M6PR: variants seen among roughly 807,000 people sequenced by gnomAD.
The protein encoded by M6PR is mannose-6-phosphate receptor, cation dependent, also known as cation-dependent mannose-6-phosphate receptor.
In M6PR, 19 loss-of-function variants were observed where a neutral mutation model predicts 33.1. The observed-to-expected ratio is 0.57, with a 90% CI of 0.40 to 0.84. M6PR has a LOEUF of 0.84. Ranked by LOEUF, M6PR falls within the 40% of genes least tolerant of loss-of-function variation. M6PR has a pLI of 0.00. For synonymous variants in M6PR, 111 were observed against 123.4 expected (o/e 0.90, Z 0.67); for missense variants, 295 against 336.0 (o/e 0.88, Z 0.95).
Position 8,941,571 on chromosome 12 carries a change from T to C in M6PR, c.*247A>G, listed in dbSNP as rs1946008547. 1 of 393,266 alleles carries C rather than the reference T, an allele frequency of 2.5e-6. No individual in the cohort carries two copies. Among genetic ancestry groups the C allele is most frequent in the Non-Finnish European group, 4.5e-6 (1 of 220,484 alleles). 24.4% of individuals were successfully genotyped at this position (393,266 alleles called of 1,614,324 possible). On this transcript the variant is annotated 3_prime_UTR_variant, in exon 7 of 7. Transcript: ENST00000000412. Reference sequence around the variant, plus strand: ...GATGTCAAGAGACAATGCAAAAGCCTCTGTTTTCACAGGCCCTATTATATT... The same window carrying C: ...GATGTCAAGAGACAATGCAAAAGCCCCTGTTTTCACAGGCCCTATTATATT...
intron 1 of M6PR, 77 bp from the exon 2 acceptor site, chr12:8,946,482 T>C (rs182788760): frequency 1.1e-4 from 121 of 1,116,086 alleles, no homozygotes; most frequent in Admixed American, 2.5e-4. Context: ...TATGAATGTG[T>C]AATAAATCGA....
Position 8,942,556 on chromosome 12 carries a change from A to G in M6PR, c.585-14T>C. On this transcript the variant is annotated splice_polypyrimidine_tract_variant and intron_variant, in intron 5 of 6. Coordinates refer to ENST00000000412, the MANE Select transcript of M6PR (RefSeq NM_002355.4). ...AGTGATGCAAACCTGTAGAGAGAGA[A>G]AGACATCTATACTTAAGAACTGGGA... The G allele has an allele frequency of 2.5e-6, 4 of 1,613,736 alleles. No individual in the cohort carries two copies. The highest frequency in any genetic ancestry group is 2.2e-5 in the East Asian group (1 of 44,878).
rs754782643 is a variant in M6PR, at chr12:8,941,964, A to G, written c.712-24T>C. 3.7e-6 allele frequency: 6 copies of G among 1,613,530 alleles called. No individual in the cohort carries two copies. In the East Asian group the frequency reaches 6.7e-5, roughly 18 times the overall value. ...TCCTGTAGGGGGAAAAAAAAGAAGG[A>G]AATAATTCGCAGCATCTAACTTTAG... On this transcript the variant is annotated intron_variant, in intron 6 of 6. Transcript: ENST00000000412.
At chr12:8,945,111 T>C (rs762116489) in intron 3 of M6PR, 24 of 233,266 alleles carry the variant, frequency 1.0e-4, no homozygotes, top group African/African-American at 4.4e-4. Context: ...TGAGCCGAGA[T>C]TGTGCCACTG....
Position 8,945,270 on chromosome 12 carries a change from A to G in M6PR, c.343+148T>C. The G allele has an allele frequency of 4.1e-6, 3 of 731,176 alleles. No individual in the cohort carries two copies. The South Asian group carries it at 5.3e-5, about 13-fold the overall frequency. The allele number at this position is 731,176 out of a possible 1,614,324, so 45.3% of individuals were successfully genotyped here. The stretch of plus-strand genomic sequence containing the variant: ...TTACAGAGGAGCTGTGGAATTAGGC[A>G]TCCTGTGGTATATTACAGTCTCAGG... On this transcript the variant is annotated intron_variant, in intron 3 of 6. Transcript: ENST00000000412.
chr12:8,943,436 G>A lies in M6PR; in HGVS notation c.553C>T (p.His185Tyr). ...AGTAAGATGGAACCCACACTGAGGT[G>A]GGAGATCTCTGGTGAACAGGCCAGG... ...SSLACSPEIS[H>Y]LSVGSILLVT... Residue 185 changes from histidine (H) to tyrosine (Y), a missense_variant, in exon 5 of 7, where the codon CAC becomes TAC. Transcript: ENST00000000412. 6.2e-7 allele frequency: 1 copy of A among 1,614,146 alleles called. No individual in the cohort carries two copies. The highest frequency in any genetic ancestry group is 1.7e-5 in the Admixed American group (1 of 60,024).
At chr12:8,947,922 C>T (rs1049592941) in intron 1 of M6PR, among the ~76,000 whole-genome samples, 1 of 151,970 alleles carries the variant, frequency 6.6e-6, no homozygotes, top group Non-Finnish European at 1.5e-5. Context: ...GAACTCAGAC[C>T]TCCAACTCCC....
rs1946061040 is a variant in M6PR at position 8,943,889 on chromosome 12, T to G, written c.365A>C (p.Tyr122Ser). The change falls in exon 4 of 7, where the codon TAT becomes TCT. Residue 122 changes from tyrosine (Y) to serine (S), a missense_variant. Transcript: ENST00000000412. ...FNGSNWIMLIYKGGDEYDNHC... is the reference protein window; with the variant it reads ...FNGSNWIMLISKGGDEYDNHC... ...GTTGTCATATTCATCACCCCCTTTA[T>G]AGATCAGCATGATCCAATTACCTGA... is the stretch of plus-strand genomic sequence containing the variant. 1 of 1,613,518 alleles carries G rather than the reference T, an allele frequency of 6.2e-7. No homozygotes were observed. Among genetic ancestry groups the G allele is most frequent in the South Asian group, 1.1e-5 (1 of 91,056 alleles).
intron 6 of M6PR, chr12:8,942,213 C>T: frequency 1.4e-6 from 1 of 707,968 alleles, no homozygotes; most frequent in Non-Finnish European, 2.3e-6. Context: ...GCTCTTTCAG[C>T]AATGTCTTAC....
In M6PR at chr12:8,943,395, G is replaced by A. The variant is rs200617607; in HGVS notation, c.584+10C>T. Reference sequence around the variant, plus strand: ...GGAAGGTCTGTTCTGATAAAGGAAGGCATACTCACGTGACAAGTAAGATGG... The same window carrying A: ...GGAAGGTCTGTTCTGATAAAGGAAGACATACTCACGTGACAAGTAAGATGG... On this transcript the variant is annotated intron_variant, in intron 5 of 6. Coordinates refer to ENST00000000412, the MANE Select transcript of M6PR (RefSeq NM_002355.4). 367 of 1,614,028 alleles carry A rather than the reference G, an allele frequency of 2.3e-4. No individual in the cohort carries two copies. The African/African-American group carries it at 4.7e-3, about 21-fold the overall frequency.
At chr12:8,944,754 G>C (rs1281620029) in intron 3 of M6PR, among the ~76,000 whole-genome samples, 1 of 152,126 alleles carries the variant, frequency 6.6e-6, no homozygotes, top group East Asian at 1.9e-4. Context: ...AATTTAACTG[G>C]TAAACTTTGA....
chr12:8,949,031 A>G lies in M6PR; in HGVS notation c.-2+457T>C, dbSNP rs979773826. On this transcript the variant is annotated intron_variant, in intron 1 of 6. Transcript: ENST00000000412. This position sits in a 1 kb window ranked among gnomAD's most constrained non-coding sequence, Gnocchi z 5.6. ...ACACAAGATAATCCGTCCATCAGCC[A>G]TTCTTATCCACACCACAGTCGCATC... Among the ~76,000 whole-genome samples the G allele has an allele frequency of 1.8e-4, 27 of 152,330 alleles. No individual in the cohort carries two copies. The highest frequency in any genetic ancestry group is 6.3e-4 in the African/African-American group (26 of 41,572).
intron 2 of M6PR, 101 bp downstream of exon 2, chr12:8,946,128 T>C: frequency 8.3e-7 from 1 of 1,199,430 alleles, no homozygotes; most frequent in Non-Finnish European, 1.2e-6. Flanking sequence ...GAGAATTTGC[T>C]CTATGTCATA....
In M6PR at chr12:8,941,852, G is replaced by T. The variant is rs756758673; in HGVS notation, c.800C>A (p.Ser267Ter). The T allele has an allele frequency of 1.9e-6, 3 of 1,614,062 alleles. No individual in the cohort carries two copies. Among genetic ancestry groups the T allele is most frequent in the Non-Finnish European group, 1.7e-6 (2 of 1,179,988 alleles). Reference protein sequence around the residue: ...GVGDDQLGEESEERDDHLLPM With the variant: ...GVGDDQLGEE ...TAATAAATGGTCATCCCTTTCTTCT[G>T]ACTCCTCCCCCAGCTGGTCATCCCC... is the stretch of plus-strand genomic sequence containing the variant. The change falls in exon 7 of 7, where the codon TCA (serine) becomes TAA (stop). Residue 267 changes from serine to a stop codon, truncating the protein, a stop_gained. Coordinates refer to ENST00000000412, the MANE Select transcript of M6PR (RefSeq NM_002355.4). LOFTEE classifies it high-confidence loss of function.
chr12:8,941,871 C>A lies in M6PR; in HGVS notation c.781G>T (p.Asp261Tyr). 1 of 1,614,138 alleles carries A rather than the reference C, an allele frequency of 6.2e-7. No homozygotes were observed. The highest frequency in any genetic ancestry group is 8.5e-7 in the Non-Finnish European group (1 of 1,180,014). Reference sequence around the variant, plus strand: ...TCTTCTGACTCCTCCCCCAGCTGGTCATCCCCCACACCACGATATGCTGCA... The same window carrying A: ...TCTTCTGACTCCTCCCCCAGCTGGTAATCCCCCACACCACGATATGCTGCA... ...VPAAYRGVGDDQLGEESEERD... is the reference protein window; with the variant it reads ...VPAAYRGVGDYQLGEESEERD... Residue 261 changes from aspartate (D) to tyrosine (Y), a missense_variant, in exon 7 of 7, where the codon GAC becomes TAC. Coordinates refer to ENST00000000412, the MANE Select transcript of M6PR (RefSeq NM_002355.4).
rs372909621 is a variant in M6PR at position 8,942,192 on chromosome 12, T to C, written c.711+224A>G. 2.2e-4 allele frequency: 152 copies of C among 685,134 alleles called. 1 individual carries two copies. In the African/African-American group the frequency reaches 2.6e-3, roughly 12 times the overall value. The allele number at this position is 685,134 out of a possible 1,614,324, so 42.4% of individuals were successfully genotyped here. ...ATCAGATTTAGAAGAGCCCATCTGG[T>C]CAACAGTGTTGCTCTTTCAGCAATG... On this transcript the variant is annotated intron_variant, in intron 6 of 6. Coordinates refer to ENST00000000412, the MANE Select transcript of M6PR (RefSeq NM_002355.4).
intron 6 of M6PR, 124 bp from the exon 7 acceptor site, chr12:8,942,064 A>G: frequency 9.1e-7 from 1 of 1,101,496 alleles, no homozygotes; most frequent in Non-Finnish European, 1.3e-6. Flanking sequence ...AGAAAACCTA[A>G]AAGATCTGAC....
intron 1 of M6PR, chr12:8,946,639 C>T (rs1020195728): frequency 1.3e-5 from 5 of 378,586 alleles, no homozygotes; most frequent in African/African-American, 1.0e-4. Flanking sequence ...TCTTTCAGAA[C>T]AAACTACAAA....
At chr12:8,943,295 A>G in intron 5 of M6PR, 110 bp downstream of exon 5, 1 of 1,272,346 alleles carries the variant, frequency 7.9e-7, no homozygotes, top group East Asian at 2.4e-5. Context: ...ATCCCCATCA[A>G]TTACAGCATA....
Sources: gnomAD v4.1 joint callset for allele counts (sites outside exome capture counted in the v4.1 genomes callset) on GRCh38, gnomAD v4.1.1 for gene constraint, Gnocchi (gnomAD v3.1) non-coding constraint, MANE v1.5 for transcripts, NCBI Gene and HGNC (gene_info 2026-07-23, HGNC 2026-07-21) for gene names.